Variants in RYR3 observed in about 807,000 individuals in gnomAD.
RYR3 encodes the protein brain ryanodine receptor-calcium release channel.
Under a neutral mutation model 584.3 loss-of-function variants are expected in RYR3, and 207 were observed. The observed-to-expected ratio is 0.35, with a 90% CI of 0.32 to 0.40. RYR3 has a LOEUF of 0.40. Ranked by LOEUF, RYR3 falls within the 10% of genes least tolerant of loss-of-function variation. The probability of loss-of-function intolerance (pLI) is 1.00; values close to 1 mark genes in which losing one functional copy is unlikely to be tolerated. For missense variants in RYR3, 5,616 were observed against 6,089.2 expected (o/e 0.92, Z 2.59); for synonymous variants, 2,416 against 2,248.5 (o/e 1.07, Z -2.11).
chr15:33,713,177 A>T (rs1345735408), intron 43 of RYR3, among the ~76,000 whole-genome samples: 1 of 152,110 alleles, frequency 6.6e-6, no homozygotes. Context: ...CAGATGATGG[A>T]AGTATTCATG....
intron 12 of RYR3, among the ~76,000 whole-genome samples, chr15:33,573,252 G>C (rs1408366132): frequency 6.6e-6 from 1 of 152,144 alleles, no homozygotes; most frequent in African/African-American, 2.4e-5. Context: ...AAAAGTTACA[G>C]TGTTTGGATT....
rs1445366406 is a variant in RYR3, at chr15:33,724,134, G to A, written c.6870G>A (p.Ser2290=). 15 of 1,612,490 alleles carry A rather than the reference G, an allele frequency of 9.3e-6. No individual in the cohort carries two copies. The highest frequency in any genetic ancestry group is 4.5e-5 in the East Asian group (2 of 44,878). Residue 2290 remains serine (S), a synonymous_variant, in exon 45 of 104, where the codon TCG becomes TCA. Coordinates refer to ENST00000634891, the MANE Select transcript of RYR3 (RefSeq NM_001036.6). ...HMGNAIMSFY[S]ALIDLLGRCA... ...GCAATGCAATTATGTCATTTTATTC[G>A]GCCCTTATAGATCTACTGGGCCGCT...
chr15:33,314,685 C>T (rs1194291004), intron 1 of RYR3, among the ~76,000 whole-genome samples: 2 of 152,114 alleles, frequency 1.3e-5, no homozygotes, highest in African/African-American at 2.4e-5. Flanking sequence ...GAGGCCGAGG[C>T]GGGTGGATCA....
intron 85 of RYR3, among the ~76,000 whole-genome samples, chr15:33,829,739 G>T (rs12902731): frequency 1.4e-5 from 2 of 141,332 alleles, no homozygotes; most frequent in African/African-American, 5.3e-5. Flanking sequence ...GCAACAGAGC[G>T]AGACTCTGTC....
chr15:33,438,278 C>A (rs1055382054), intron 1 of RYR3, among the ~76,000 whole-genome samples: 1 of 152,036 alleles, frequency 6.6e-6, no homozygotes, highest in Non-Finnish European at 1.5e-5. Flanking sequence ...ACACTGTGTA[C>A]CTGTAACCAG....
chr15:33,663,990 A>G (rs758347630), intron 36 of RYR3, among the ~76,000 whole-genome samples: 3 of 152,104 alleles, frequency 2.0e-5, no homozygotes, highest in Non-Finnish European at 4.4e-5. Context: ...ACCCTCTCCA[A>G]TGCCTCCATT....
At chr15:33,741,663 G>C (rs897634616) in intron 51 of RYR3, among the ~76,000 whole-genome samples, 1 of 152,204 alleles carries the variant, frequency 6.6e-6, no homozygotes, top group Non-Finnish European at 1.5e-5. Flanking sequence ...ACCCAGGCTG[G>C]AGTGCAGTGG....
intron 100 of RYR3, among the ~76,000 whole-genome samples, chr15:33,860,364 G>A (rs1051311461): frequency 6.6e-6 from 1 of 152,196 alleles, no homozygotes; most frequent in Non-Finnish European, 1.5e-5. Context: ...AGAGTTTCAG[G>A]GAGGAGCAAG....
At chr15:33,569,929 G>A (rs1243190615) in intron 12 of RYR3, among the ~76,000 whole-genome samples, 1 of 152,082 alleles carries the variant, frequency 6.6e-6, no homozygotes, top group Non-Finnish European at 1.5e-5. Flanking sequence ...GCCTTTTTAA[G>A]TTGGGTCATT....
intron 28 of RYR3, among the ~76,000 whole-genome samples, chr15:33,645,477 C>G (rs573556545): frequency 3.3e-5 from 5 of 152,294 alleles, no homozygotes; most frequent in Non-Finnish European, 5.9e-5. Context: ...CACTTTCTTC[C>G]TCAGTTAAAT....
chr15:33,712,792 A>G lies in RYR3; in HGVS notation c.6619+5738A>G, dbSNP rs77290551. ...GTAACTTGGGTTCAAATTTGGCTCT[A>G]TCATTTACTAGTTGTGTGAATTGAA... On this transcript the variant is annotated intron_variant, in intron 43 of 103. Transcript: ENST00000634891. Among the ~76,000 whole-genome samples, 833 of 152,350 alleles carry G rather than the reference A, an allele frequency of 5.5e-3. 3 individuals carry two copies. The highest frequency in any genetic ancestry group is 8.6e-3 in the Non-Finnish European group (585 of 68,024).
At position 33,663,694 on chromosome 15, in the gene RYR3, C is replaced by A. The variant is rs2063302581; in HGVS notation, c.5576C>A (p.Thr1859Asn). Residue 1859 changes from threonine to asparagine, a missense_variant, in exon 36 of 104, where the codon ACT (threonine) becomes AAT (asparagine). By Grantham distance (65) the Thr-to-Asn change is moderately conservative. Coordinates refer to ENST00000634891, the MANE Select transcript of RYR3 (RefSeq NM_001036.6). ...GCCCTGAACATGTCTGCGGCCCTGA[C>A]TGCCCGGAAGACCAAGGAGTTCCGC... is the stretch of plus-strand genomic sequence containing the variant. ...MQALNMSAAL[T>N]ARKTKEFRSP... 1 of 1,611,412 alleles carries A rather than the reference C, an allele frequency of 6.2e-7. No individual in the cohort carries two copies. Among genetic ancestry groups the A allele is most frequent in the Non-Finnish European group, 8.5e-7 (1 of 1,179,190 alleles).
At chr15:33,595,944 A>G (rs2059349702) in intron 16 of RYR3, among the ~76,000 whole-genome samples, 1 of 152,040 alleles carries the variant, frequency 6.6e-6, no homozygotes, top group African/African-American at 2.4e-5. Flanking sequence ...ACTGCTCATG[A>G]CAGGGTTGGA....
intron 16 of RYR3, among the ~76,000 whole-genome samples, chr15:33,590,403 A>G (rs1007712301): frequency 6.6e-6 from 1 of 152,160 alleles, no homozygotes; most frequent in Admixed American, 6.5e-5. Flanking sequence ...TTTTGGTTAC[A>G]TATGAATTTT....
intron 60 of RYR3, among the ~76,000 whole-genome samples, chr15:33,767,352 C>A (rs920621713): frequency 6.6e-6 from 1 of 152,114 alleles, no homozygotes; most frequent in Non-Finnish European, 1.5e-5. Flanking sequence ...AAAGAGCAGC[C>A]GATATTTAAT....
intron 60 of RYR3, among the ~76,000 whole-genome samples, chr15:33,763,892 C>CAA (rs796878162): frequency 0.17 from 7,704 of 45,466 alleles, 833 homozygotes; most frequent in South Asian, 0.24. Flanking sequence ...GACTTCATCT[C>CAA]AAAAAAAAAA....
chr15:33,377,578 A>T (rs2040845882), intron 1 of RYR3, among the ~76,000 whole-genome samples: 1 of 152,208 alleles, frequency 6.6e-6, no homozygotes. Flanking sequence ...TATGCAAGGG[A>T]TTATAGCAGA....
rs1319569434 is a variant in RYR3, at chr15:33,432,912, C to T, written c.52-40507C>T. Among the ~76,000 whole-genome samples the T allele has an allele frequency of 2.0e-5, 3 of 151,684 alleles. No individual in the cohort carries two copies. In the East Asian group the frequency reaches 5.8e-4, roughly 29 times the overall value. ...TGAAGTCAGGATAGAAAAATCAATA[C>T]AATCCAACTCTTTGGCCTAAATTAA... is the stretch of plus-strand genomic sequence containing the variant. On this transcript the variant is annotated intron_variant, in intron 1 of 103. Transcript: ENST00000634891.
chr15:33,599,762 A>G (rs779637812), intron 16 of RYR3, among the ~76,000 whole-genome samples: 23 of 152,340 alleles, frequency 1.5e-4, no homozygotes, highest in Non-Finnish European at 2.5e-4. Context: ...GTTTATCTCC[A>G]TTCCCCAGTT....
Sources: allele counts gnomAD v4.1 joint callset (sites outside exome capture counted in the v4.1 genomes callset), GRCh38; gene constraint gnomAD v4.1.1; transcripts MANE v1.5; gene names NCBI Gene and HGNC (gene_info 2026-07-23, HGNC 2026-07-21).